The following CHD6 variants were observed in gnomAD, a reference collection of about 807,000 sequenced individuals.
The protein encoded by CHD6 is chromodomain helicase DNA binding protein 6.
In CHD6, 50 loss-of-function variants were observed where a neutral mutation model predicts 276.9. That is an observed-to-expected ratio of 0.18 (90% CI 0.14 to 0.23). The LOEUF is 0.23. CHD6 is among the 10% of genes least tolerant of loss of function. CHD6 has a pLI of 1.00. For missense variants in CHD6, 2,564 were observed against 3,365.8 expected (o/e 0.76, Z 5.89); for synonymous variants, 1,173 against 1,229.3 (o/e 0.95, Z 0.96).
At chr20:41,498,799 ATGTATGTATGTATGTGTGTGTGTG>A (rs752968609) in intron 6 of CHD6, among the ~76,000 whole-genome samples, 25 of 94,816 alleles carry the variant, frequency 2.6e-4, no homozygotes, top group Middle Eastern at 9.3e-3. Context: ...GTATGTATGT[ATGTATGTATGTATGTGTGTGTGTG>A]TGTGTGTGTG....
At chr20:41,476,901 T>C (rs537504853) in intron 16 of CHD6, among the ~76,000 whole-genome samples, 3 of 152,126 alleles carry the variant, frequency 2.0e-5, no homozygotes, top group Non-Finnish European at 4.4e-5. Context: ...CATCTATACA[T>C]ACACACACAT....
intron 1 of CHD6, among the ~76,000 whole-genome samples, chr20:41,556,865 C>T (rs1270250857): frequency 6.6e-6 from 1 of 152,140 alleles, no homozygotes; most frequent in Non-Finnish European, 1.5e-5. Context: ...TTTTTAAAGG[C>T]ACACATTAAA....
Position 41,542,671 on chromosome 20 carries a change from C to T in CHD6, c.33+8634G>A, listed in dbSNP as rs570164936. ...TCGCACCACTGCACTCCAGCCTGGG[C>T]GACAGAGCGAGACTCCGTCTCAAAA... is the stretch of plus-strand genomic sequence containing the variant. On this transcript the variant is annotated intron_variant, in intron 2 of 36. Coordinates refer to ENST00000373233, the MANE Select transcript of CHD6 (RefSeq NM_032221.5). Among the ~76,000 whole-genome samples the T allele has an allele frequency of 2.4e-4, 36 of 147,894 alleles. No homozygotes were observed. In the South Asian group the frequency reaches 2.8e-3, roughly 12 times the overall value.
At chr20:41,553,112 T>C (rs2146152195) in intron 1 of CHD6, among the ~76,000 whole-genome samples, 1 of 152,312 alleles carries the variant, frequency 6.6e-6, no homozygotes, top group Non-Finnish European at 1.5e-5. Context: ...CTCCTTTATC[T>C]CTATTCTTTA....
At chr20:41,552,270 C>A (rs1260344301) in intron 1 of CHD6, among the ~76,000 whole-genome samples, 1 of 152,178 alleles carries the variant, frequency 6.6e-6, no homozygotes, top group African/African-American at 2.4e-5. Flanking sequence ...ACTTTGATTT[C>A]CTGTTCATCC....
Position 41,522,074 on chromosome 20 carries a change from C to T in CHD6, c.555-7122G>A, listed in dbSNP as rs533851799. On this transcript the variant is annotated intron_variant, in intron 3 of 36. Transcript: ENST00000373233. ...ATAATTTTGAGGCTGGGTGCAGTGG[C>T]TCACGCCTGTAATATCAGCACTTTG... Among the ~76,000 whole-genome samples, 105 of 152,258 alleles carry T rather than the reference C, an allele frequency of 6.9e-4. 1 individual carries two copies. The highest frequency in any genetic ancestry group is 1.2e-3 in the Non-Finnish European group (79 of 68,016).
chr20:41,530,112 G>A (rs1197858031), intron 3 of CHD6, among the ~76,000 whole-genome samples: 1 of 152,194 alleles, frequency 6.6e-6, no homozygotes, highest in African/African-American at 2.4e-5. Flanking sequence ...AAACTCAAGT[G>A]AGAGAGTAAC....
intron 35 of CHD6, among the ~76,000 whole-genome samples, chr20:41,412,961 A>G (rs1376234041): frequency 1.3e-5 from 2 of 152,224 alleles, no homozygotes; most frequent in Non-Finnish European, 2.9e-5. Flanking sequence ...TATTAACTTG[A>G]AAAGAATTCA....
chr20:41,549,367 A>G (rs2045107194), intron 2 of CHD6, among the ~76,000 whole-genome samples: 1 of 150,442 alleles, frequency 6.6e-6, no homozygotes, highest in African/African-American at 2.5e-5. Context: ...GCTGGAAACC[A>G]TCATTCTCAG....
chr20:41,466,346 A>G (rs2145744349), intron 17 of CHD6, among the ~76,000 whole-genome samples: 1 of 152,320 alleles, frequency 6.6e-6, no homozygotes, highest in South Asian at 2.1e-4. Flanking sequence ...CCCGCTTAAC[A>G]ATATATCCAG....
intron 2 of CHD6, among the ~76,000 whole-genome samples, chr20:41,542,360 CT>C: frequency 6.6e-6 from 1 of 152,226 alleles, no homozygotes; most frequent in Non-Finnish European, 1.5e-5. Flanking sequence ...GCTCCTACCC[CT>C]GCCACATAAT....
chr20:41,569,267 T>C (rs758943795), intron 1 of CHD6, among the ~76,000 whole-genome samples: 2 of 152,224 alleles, frequency 1.3e-5, no homozygotes, highest in African/African-American at 2.4e-5. Flanking sequence ...GCAGAATATT[T>C]AGGAGGCCAC....
rs2046904800 is a variant in CHD6 at position 41,413,492 on chromosome 20, C to T, written c.6963G>A (p.Gln2321=). 3 of 1,591,280 alleles carry T rather than the reference C, an allele frequency of 1.9e-6. No individual in the cohort carries two copies. Among genetic ancestry groups the T allele is most frequent in the Non-Finnish European group, 2.6e-6 (3 of 1,168,788 alleles). ...CAGGGTGTGTGGTGCTCAAGGTGGC[C>T]TGCCCTGGGTCTTCATGGACTTCCT... ...GILEVHEDPG[Q]ATLSTTHPEG... Residue 2321 remains glutamine (Q), a synonymous_variant, in exon 35 of 37, where the codon CAG becomes CAA. Coordinates refer to ENST00000373233, the MANE Select transcript of CHD6 (RefSeq NM_032221.5).
chr20:41,611,041 G>A (rs1021358434), intron 1 of CHD6, among the ~76,000 whole-genome samples: 1 of 152,192 alleles, frequency 6.6e-6, no homozygotes, highest in Non-Finnish European at 1.5e-5. Context: ...TGGAACAGCT[G>A]CCTTGCTTTT....
intron 11 of CHD6, 144 bp from the exon 12 acceptor site, chr20:41,490,165 G>GTTA (rs1568637541): frequency 5.3e-6 from 4 of 753,006 alleles, no homozygotes; most frequent in East Asian, 2.5e-5. Flanking sequence ...ACTGAGGTTA[G>GTTA]TTATTATTAT....
At position 41,452,129 on chromosome 20, in the gene CHD6, T is replaced by C; in HGVS notation, c.3324-104A>G. ...CAAGAGCCATACATGCTTTTTGTTC[T>C]CTGTAGGTCTGTTAATCATCCCAAG... On this transcript the variant is annotated intron_variant, in intron 21 of 36. Transcript: ENST00000373233. This position sits in a 1 kb window ranked among gnomAD's most constrained non-coding sequence, Gnocchi z 4.2. 1.2e-6 allele frequency: 1 copy of C among 858,294 alleles called. No individual in the cohort carries two copies. Among genetic ancestry groups the C allele is most frequent in the Non-Finnish European group, 1.9e-6 (1 of 525,580 alleles). 53.2% of individuals were successfully genotyped at this position (858,294 alleles called of 1,614,324 possible).
At chr20:41,592,266 T>A (rs575014516) in intron 1 of CHD6, among the ~76,000 whole-genome samples, 419 of 152,128 alleles carry the variant, frequency 2.8e-3, no homozygotes, top group Admixed American at 4.3e-3. Context: ...TTCTTTTTTT[T>A]AAAAAAAGGA....
intron 1 of CHD6, among the ~76,000 whole-genome samples, chr20:41,611,877 ATC>A: frequency 6.6e-6 from 1 of 152,268 alleles, no homozygotes; most frequent in East Asian, 1.9e-4. Flanking sequence ...ACCTCAGGTG[ATC>A]GACCTGCCTC....
chr20:41,416,814 T>C lies in CHD6; in HGVS notation c.6280-20A>G. 1 of 1,502,038 alleles carries C rather than the reference T, an allele frequency of 6.7e-7. No homozygotes were observed. The highest frequency in any genetic ancestry group is 1.4e-5 in the African/African-American group (1 of 71,566). 93.0% of individuals were successfully genotyped at this position (1,502,038 alleles called of 1,614,324 possible). ...GCGGTCCTAGAAAAAAGGATAAAGCTCTGATGAATAAGGATCGAGTTACCT... is the reference window on the plus strand; with the variant it reads ...GCGGTCCTAGAAAAAAGGATAAAGCCCTGATGAATAAGGATCGAGTTACCT... On this transcript the variant is annotated intron_variant, in intron 32 of 36. Transcript: ENST00000373233.
Sources: allele counts gnomAD v4.1 joint callset (sites outside exome capture counted in the v4.1 genomes callset), GRCh38; gene constraint gnomAD v4.1.1; non-coding constraint Gnocchi (gnomAD v3.1); transcripts MANE v1.5; gene names NCBI Gene and HGNC (gene_info 2026-07-23, HGNC 2026-07-21).